The following TRIM68 variants were observed in gnomAD, a reference collection of about 807,000 sequenced individuals.
The protein encoded by TRIM68 is E3 ubiquitin-protein ligase TRIM68.
In TRIM68, 36 loss-of-function variants were observed where a neutral mutation model predicts 41.9. The observed-to-expected ratio is 0.86, with a 90% CI of 0.66 to 1.14. TRIM68 has a LOEUF of 1.14. Among genes scored for constraint, TRIM68 ranks in the 50% most tolerant of loss-of-function variants. TRIM68 has a pLI of 0.00. For synonymous variants in TRIM68, 225 were observed against 224.6 expected (o/e 1.00, Z -0.02); for missense variants, 632 against 605.1 (o/e 1.04, Z -0.47).
rs767277241 is a variant in TRIM68, at chr11:4,598,995, C to T, written c.*1281G>A. On this transcript the variant is annotated 3_prime_UTR_variant, in exon 7 of 7. Coordinates refer to ENST00000300747, the MANE Select transcript of TRIM68 (RefSeq NM_018073.8). ...CAACAGCTCCATGAGGCAGGACAATCATATGAGGTTTTATGCTGAATTACA... is the reference window on the plus strand; with the variant it reads ...CAACAGCTCCATGAGGCAGGACAATTATATGAGGTTTTATGCTGAATTACA... 5 of 152,140 alleles carry T rather than the reference C, an allele frequency of 3.3e-5. No homozygotes were observed. The highest frequency in any genetic ancestry group is 7.3e-5 in the Non-Finnish European group (5 of 68,038). The allele number at this position is 152,140 out of a possible 1,614,324, so 9.4% of individuals were successfully genotyped here.
rs143954101 is a variant in TRIM68 at position 4,602,330 on chromosome 11, T to C, written c.605A>G (p.His202Arg). The change falls in exon 4 of 7, where the codon CAT becomes CGT. Residue 202 changes from histidine (H) to arginine (R), a missense_variant. By Grantham distance (29) the His-to-Arg change is conservative. Coordinates refer to ENST00000300747, the MANE Select transcript of TRIM68 (RefSeq NM_018073.8). ...QRLLEKKQPP[H>R]RQLGAEVAAA... is the part of the protein sequence containing the mutation. ...TGCTACCTCTGCCCCCAGCTGCCGA[T>C]GTGGTGGCTGCTTTTTCTCTAGTAA... The C allele has an allele frequency of 7.4e-6, 12 of 1,614,210 alleles. No individual in the cohort carries two copies. In the Middle Eastern group the frequency reaches 5.0e-4, roughly 67 times the overall value.
At position 4,605,430 on chromosome 11, in the gene TRIM68, C is replaced by T; in HGVS notation, c.75G>A (p.Glu25=). The stretch of plus-strand genomic sequence containing the variant: ...TGTGGCCACAGTCAATGCTCATGGG[C>T]TCCCTCAGGAAGGTCATACAGATGG... ...ACPICMTFLR[E]PMSIDCGHSF... The change falls in exon 2 of 7, where the codon GAG becomes GAA. Residue 25 remains glutamate, a synonymous_variant. Transcript: ENST00000300747. 2.5e-6 allele frequency: 4 copies of T among 1,614,184 alleles called. No homozygotes were observed. Among genetic ancestry groups the T allele is most frequent in the Non-Finnish European group, 2.5e-6 (3 of 1,180,028 alleles).
intron 5 of TRIM68, chr11:4,601,338 A>C: frequency 3.3e-6 from 2 of 599,006 alleles, no homozygotes; most frequent in Non-Finnish European, 5.9e-6. Context: ...GGTTGGATGT[A>C]TATTTGATTC....
chr11:4,601,136 G>A lies in TRIM68; in HGVS notation c.807-9C>T, dbSNP rs1564864887. On this transcript the variant is annotated splice_polypyrimidine_tract_variant and intron_variant, in intron 5 of 6. Coordinates refer to ENST00000300747, the MANE Select transcript of TRIM68 (RefSeq NM_018073.8). Reference sequence around the variant, plus strand: ...AGCTCCAAGATTTGCTCCTGGTAGAGGAGGGTGAACCTCAGGGCCAGGAGT... The same window carrying A: ...AGCTCCAAGATTTGCTCCTGGTAGAAGAGGGTGAACCTCAGGGCCAGGAGT... 2 of 1,612,920 alleles carry A rather than the reference G, an allele frequency of 1.2e-6. No individual in the cohort carries two copies. Among genetic ancestry groups the A allele is most frequent in the East Asian group, 4.5e-5 (2 of 44,874 alleles).
At chr11:4,601,550 C>T in intron 5 of TRIM68, 114 bp downstream of exon 5, 1 of 1,122,514 alleles carries the variant, frequency 8.9e-7, no homozygotes, top group South Asian at 1.3e-5. Context: ...GACTGTGGAC[C>T]AGCACCTGCT....
In TRIM68 at chr11:4,605,464, A is replaced by G. The variant is rs1483228896; in HGVS notation, c.41T>C (p.Val14Ala). The change falls in exon 2 of 7, where the codon GTG becomes GCG. Residue 14 changes from valine (V) to alanine (A), a missense_variant. Transcript: ENST00000300747. ...TALVEAIVEE[V>A]ACPICMTFLR... is the part of the protein sequence containing the mutation. ...GAAGGTCATACAGATGGGACAGGCC[A>G]CTTCTTCCACAATGGCTTCCACCAA... 3.1e-6 allele frequency: 5 copies of G among 1,612,190 alleles called. No individual in the cohort carries two copies. The highest frequency in any genetic ancestry group is 4.2e-6 in the Non-Finnish European group (5 of 1,178,456).
intron 2 of TRIM68, among the ~76,000 whole-genome samples, 170 bp downstream of exon 2, chr11:4,604,909 A>G (rs1331388404): frequency 6.6e-6 from 1 of 152,248 alleles, no homozygotes; most frequent in African/African-American, 2.4e-5. Context: ...AAGGAAGGTC[A>G]TGAATACAAG....
In TRIM68 at chr11:4,600,877, G is replaced by C. The variant is rs1564864755; in HGVS notation, c.908-51C>G. On this transcript the variant is annotated intron_variant, in intron 6 of 6. Transcript: ENST00000300747. Reference sequence around the variant, plus strand: ...ACAGTGATATAGGGCCAGGGGACATGGGTGAGAGCCCTCTGATAAATTCAG... The same window carrying C: ...ACAGTGATATAGGGCCAGGGGACATCGGTGAGAGCCCTCTGATAAATTCAG... 2.5e-6 allele frequency: 4 copies of C among 1,582,036 alleles called. No individual in the cohort carries two copies. The South Asian group carries it at 4.6e-5, about 18-fold the overall frequency.
At position 4,605,245 on chromosome 11, in the gene TRIM68, A is replaced by G. The variant is rs776887807; in HGVS notation, c.260T>C (p.Leu87Pro). 2 of 1,614,248 alleles carry G rather than the reference A, an allele frequency of 1.2e-6. No homozygotes were observed. Among genetic ancestry groups the G allele is most frequent in the South Asian group, 2.2e-5 (2 of 91,088 alleles). ...NVVEKVRLLR[L>P]HPGMGLKGDL... is the part of the protein sequence containing the mutation. ...ACCCTTCAGCCCCATTCCTGGATGT[A>G]GCCTTAGCAGACGGACTTTTTCTAC... The change falls in exon 2 of 7, where the codon CTA (leucine) becomes CCA (proline). Residue 87 changes from leucine (L) to proline (P), a missense_variant. Physicochemically the swap from Leu to Pro is moderately conservative, Grantham distance 98. Transcript: ENST00000300747.
rs1308022199 is a variant in TRIM68 at position 4,603,340 on chromosome 11, A to G, written c.427T>C (p.Trp143Arg). Residue 143 changes from tryptophan to arginine, a missense_variant and splice_region_variant, in exon 3 of 7, where the codon TGG becomes CGG. Trp to Arg is a moderately radical substitution (Grantham distance 101, BLOSUM62 -3). Transcript: ENST00000300747. Reference sequence around the variant, plus strand: ...TGTTCGAGGGCCTCATGAAGTTCCCACTGCAAGAGACAAAACCCTCATGAG... The same window carrying G: ...TGTTCGAGGGCCTCATGAAGTTCCCGCTGCAAGAGACAAAACCCTCATGAG... Reference protein sequence around the residue: ...PMEDVAWEYKWELHEALEHLK... With the variant: ...PMEDVAWEYKRELHEALEHLK... 2.5e-6 allele frequency: 4 copies of G among 1,614,016 alleles called. No individual in the cohort carries two copies. Among genetic ancestry groups the G allele is most frequent in the Non-Finnish European group, 3.4e-6 (4 of 1,179,970 alleles).
At chr11:4,604,658 G>C (rs1270202564) in intron 2 of TRIM68, among the ~76,000 whole-genome samples, 1 of 152,202 alleles carries the variant, frequency 6.6e-6, no homozygotes, top group Non-Finnish European at 1.5e-5. Context: ...AAATGAAGGA[G>C]GGAAGTGATC....
rs1846439778 is a variant in TRIM68 at position 4,599,200 on chromosome 11, A to G, written c.*1076T>C. On this transcript the variant is annotated 3_prime_UTR_variant, in exon 7 of 7. Coordinates refer to ENST00000300747, the MANE Select transcript of TRIM68 (RefSeq NM_018073.8). ...CTTACCTTCAGCAGCTTTGTAAGAAATAACTTGCTCCAGGGGCCGGGCGCA... is the reference window on the plus strand; with the variant it reads ...CTTACCTTCAGCAGCTTTGTAAGAAGTAACTTGCTCCAGGGGCCGGGCGCA... 6.6e-6 allele frequency: 1 copy of G among 152,212 alleles called. No individual in the cohort carries two copies. Among genetic ancestry groups the G allele is most frequent in the Admixed American group, 6.5e-5 (1 of 15,278 alleles). 9.4% of individuals were successfully genotyped at this position (152,212 alleles called of 1,614,324 possible). A position where few individuals can be genotyped will look rare whatever the true frequency, so the allele number is the denominator to read the frequency against.
rs757940710 is a variant in TRIM68, at chr11:4,602,285, T to C, written c.650A>G (p.Gln217Arg). ...CTGCATGGTCTCCGCTGCCTCCCGCTGTAGGCTGGCCAGAGCTGCTGCTAC... is the reference window on the plus strand; with the variant it reads ...CTGCATGGTCTCCGCTGCCTCCCGCCGTAGGCTGGCCAGAGCTGCTGCTAC... ...AEVAAALASLQREAAETMQKL... is the reference protein window; with the variant it reads ...AEVAAALASLRREAAETMQKL... Residue 217 changes from glutamine (Q) to arginine (R), a missense_variant, in exon 4 of 7, where the codon CAG (glutamine) becomes CGG (arginine). Physicochemically the swap from Gln to Arg is conservative, Grantham distance 43. Coordinates refer to ENST00000300747, the MANE Select transcript of TRIM68 (RefSeq NM_018073.8). 1 of 1,614,256 alleles carries C rather than the reference T, an allele frequency of 6.2e-7. No homozygotes were observed. Among genetic ancestry groups the C allele is most frequent in the Non-Finnish European group, 8.5e-7 (1 of 1,180,038 alleles).
At chr11:4,603,374 C>T (rs377355320) in intron 2 of TRIM68, 34 bp from the exon 3 acceptor site, 82 of 1,605,326 alleles carry the variant, frequency 5.1e-5, no homozygotes, top group Non-Finnish European at 6.5e-5. Context: ...AGGCCACCTC[C>T]GGCAGCCTAG....
chr11:4,601,307 G>A, intron 5 of TRIM68, 180 bp from the exon 6 acceptor site: 1 of 613,318 alleles, frequency 1.6e-6, no homozygotes, highest in Non-Finnish European at 2.9e-6. Flanking sequence ...GAGAACACCT[G>A]CATGCCCATG....
chr11:4,607,389 G>A (rs1846585128), intron 1 of TRIM68, among the ~76,000 whole-genome samples: 1 of 152,204 alleles, frequency 6.6e-6, no homozygotes, highest in South Asian at 2.1e-4. Context: ...GAAAGTGGAG[G>A]ATGTGTTAAT....
In TRIM68 at chr11:4,600,269, A is replaced by T; in HGVS notation, c.*7T>A. The T allele has an allele frequency of 1.3e-6, 2 of 1,558,578 alleles. No homozygotes were observed. On this transcript the variant is annotated 3_prime_UTR_variant, in exon 7 of 7. Transcript: ENST00000300747. Reference sequence around the variant, plus strand: ...TCCAAGCCTCTCTGGTTAGGGTGGTAGCTTTCTTAGTCCTCCCCATCCAGG... The same window carrying T: ...TCCAAGCCTCTCTGGTTAGGGTGGTTGCTTTCTTAGTCCTCCCCATCCAGG...
chr11:4,604,614 G>T (rs193145036), intron 2 of TRIM68, among the ~76,000 whole-genome samples: 174 of 152,308 alleles, frequency 1.1e-3, no homozygotes, highest in African/African-American at 3.8e-3. Flanking sequence ...AAATTGCCAT[G>T]TTTTCAACTT....
At position 4,600,401 on chromosome 11, in the gene TRIM68, G is replaced by A. The variant is rs1289622644; in HGVS notation, c.1333C>T (p.His445Tyr). 1 of 1,614,102 alleles carries A rather than the reference G, an allele frequency of 6.2e-7. No individual in the cohort carries two copies. The highest frequency in any genetic ancestry group is 8.5e-7 in the Non-Finnish European group (1 of 1,180,018). The change falls in exon 7 of 7, where the codon CAC (histidine) becomes TAC (tyrosine). Residue 445 changes from histidine (H) to tyrosine (Y), a missense_variant. His to Tyr is a moderately conservative substitution (Grantham distance 83). Transcript: ENST00000300747. Reference protein sequence around the residue: ...SFYNVTDCGSHIFTFPRYPFP... With the variant: ...SFYNVTDCGSYIFTFPRYPFP... ...GGATAGCGGGGGAAAGTGAAGATGT[G>A]GGAGCCACAGTCAGTCACATTGTAG...
Sources: gnomAD v4.1 joint callset for allele counts (sites outside exome capture counted in the v4.1 genomes callset) on GRCh38, gnomAD v4.1.1 for gene constraint, MANE v1.5 for transcripts, NCBI Gene and HGNC (gene_info 2026-07-23, HGNC 2026-07-21) for gene names.